The following GLRA1 variants were observed in gnomAD, a reference collection of about 807,000 sequenced individuals.
GLRA1 encodes glycine receptor alpha 1, also known as glycine receptor subunit alpha-1.
A neutral mutation model predicts 48.3 loss-of-function variants in GLRA1; 37 were observed. The ratio of observed to expected loss-of-function variants is 0.77; its 90% CI spans 0.59 to 1.01. The LOEUF (loss-of-function observed/expected upper bound fraction) is 1.01. GLRA1 is among the 50% of genes least tolerant of loss of function. The pLI is 0.00. For synonymous variants in GLRA1, 196 were observed against 210.7 expected (o/e 0.93, Z 0.60); for missense variants, 427 against 571.0 (o/e 0.75, Z 2.57).
intron 1 of GLRA1, among the ~76,000 whole-genome samples, chr5:151,919,958 C>T (rs143707085): frequency 0.011 from 1,739 of 152,308 alleles, 15 homozygotes; most frequent in South Asian, 0.024. Flanking sequence ...GCAGGACGCG[C>T]GAACAGGCTG....
At chr5:151,827,782 C>T (rs983284067) in intron 8 of GLRA1, among the ~76,000 whole-genome samples, 1 of 152,174 alleles carries the variant, frequency 6.6e-6, no homozygotes, top group Non-Finnish European at 1.5e-5. Context: ...AACACTATGA[C>T]AGGTCATAAT....
At chr5:151,846,713 G>T (rs1031162777) in intron 7 of GLRA1, among the ~76,000 whole-genome samples, 4 of 152,174 alleles carry the variant, frequency 2.6e-5, no homozygotes, top group Non-Finnish European at 2.9e-5. Flanking sequence ...AGACAAAATA[G>T]AGCAACTGTG....
At chr5:151,851,632 T>C in intron 6 of GLRA1, 28 bp from the exon 7 acceptor site, 1 of 1,476,086 alleles carries the variant, frequency 6.8e-7, no homozygotes, top group Non-Finnish European at 9.5e-7. Flanking sequence ...GAGAAGGCAG[T>C]GTAGCCTGGT....
At chr5:151,857,313 G>A (rs964311697) in intron 4 of GLRA1, among the ~76,000 whole-genome samples, 3 of 152,210 alleles carry the variant, frequency 2.0e-5, no homozygotes, top group Non-Finnish European at 4.4e-5. Flanking sequence ...GGTTTAGAGA[G>A]GTAAAAATAG....
intron 7 of GLRA1, among the ~76,000 whole-genome samples, chr5:151,849,290 C>T: frequency 8.3e-6 from 1 of 119,774 alleles, no homozygotes; most frequent in Non-Finnish European, 1.7e-5. Flanking sequence ...TTCTTTCTCT[C>T]TCTTCTTTCT....
intron 7 of GLRA1, among the ~76,000 whole-genome samples, chr5:151,832,097 G>A (rs528834340): frequency 6.6e-6 from 1 of 152,328 alleles, no homozygotes; most frequent in African/African-American, 2.4e-5. Flanking sequence ...GAAAGGAATA[G>A]CGTCAAAATC....
chr5:151,855,122 C>A lies in GLRA1; in HGVS notation c.615G>T (p.Gln205His), dbSNP rs757241278. Residue 205 changes from glutamine to histidine, a missense_variant, in exon 6 of 9, where the codon CAG (glutamine) becomes CAT (histidine). By Grantham distance (24) the Gln-to-His change is conservative. Coordinates refer to ENST00000274576, the MANE Select transcript of GLRA1 (RefSeq NM_000171.4). ...GGGGCAGAGTTAGTCCATCTGCTACCTGCACGGCTCCCTGTTCCTGCCACT... is the reference window on the plus strand; with the variant it reads ...GGGGCAGAGTTAGTCCATCTGCTACATGCACGGCTCCCTGTTCCTGCCACT... ...IFEWQEQGAV[Q>H]VADGLTLPQF... 5.0e-6 allele frequency: 8 copies of A among 1,613,670 alleles called. No homozygotes were observed. Among genetic ancestry groups the A allele is most frequent in the Non-Finnish European group, 5.9e-6 (7 of 1,179,696 alleles).
chr5:151,878,758 G>A (rs951524747), intron 3 of GLRA1, among the ~76,000 whole-genome samples: 9 of 152,178 alleles, frequency 5.9e-5, no homozygotes, highest in South Asian at 2.1e-4. Context: ...GCCTGCGGGT[G>A]CACAGAAGTC....
intron 1 of GLRA1, among the ~76,000 whole-genome samples, chr5:151,902,866 A>G (rs1320995489): frequency 6.6e-6 from 1 of 152,212 alleles, no homozygotes; most frequent in African/African-American, 2.4e-5. Flanking sequence ...CATAGAGATT[A>G]AATAATTTAT....
intron 1 of GLRA1, among the ~76,000 whole-genome samples, chr5:151,894,544 C>T (rs547192145): frequency 2.0e-5 from 3 of 152,250 alleles, no homozygotes; most frequent in African/African-American, 7.2e-5. Flanking sequence ...TCTTGCTCCT[C>T]CACCCCACTA....
In GLRA1 at chr5:151,828,952, A is replaced by G. The variant is rs148221542; in HGVS notation, c.1028T>C (p.Leu343Pro). Residue 343 changes from leucine to proline, a missense_variant, in exon 8 of 9, where the codon CTC (leucine) becomes CCC (proline). Coordinates refer to ENST00000274576, the MANE Select transcript of GLRA1 (RefSeq NM_000171.4). ...ATGTCTCCGCTTCCTCCTGAATCGG[A>G]GCAGCTCCTTATGTTGCCGAGACAC... is the stretch of plus-strand genomic sequence containing the variant. ...NFVSRQHKELLRFRRKRRHHK... is the reference protein window; with the variant it reads ...NFVSRQHKELPRFRRKRRHHK... 4.3e-6 allele frequency: 7 copies of G among 1,614,114 alleles called. No individual in the cohort carries two copies. The highest frequency in any genetic ancestry group is 5.9e-6 in the Non-Finnish European group (7 of 1,179,970).
intron 1 of GLRA1, among the ~76,000 whole-genome samples, chr5:151,919,347 T>C (rs1040497101): frequency 6.6e-6 from 1 of 152,192 alleles, no homozygotes; most frequent in South Asian, 2.1e-4. Context: ...ACAGAAATGT[T>C]TGGTCTCTCT....
At chr5:151,862,553 A>G (rs1198167830) in intron 3 of GLRA1, among the ~76,000 whole-genome samples, 1 of 152,238 alleles carries the variant, frequency 6.6e-6, no homozygotes, top group Non-Finnish European at 1.5e-5. Flanking sequence ...TCTAAACTCA[A>G]TGCTTAGTTA....
chr5:151,907,071 G>A (rs1349509780), intron 1 of GLRA1, among the ~76,000 whole-genome samples: 1 of 152,196 alleles, frequency 6.6e-6, no homozygotes, highest in Non-Finnish European at 1.5e-5. Context: ...TGACAGCTGA[G>A]GAGTGGGCTG....
intron 3 of GLRA1, among the ~76,000 whole-genome samples, chr5:151,862,369 G>A (rs545689456): frequency 1.3e-5 from 2 of 152,294 alleles, no homozygotes; most frequent in Non-Finnish European, 2.9e-5. Context: ...CCATAGGCAT[G>A]GTCAAGGACT....
chr5:151,833,911 A>C (rs1454565338), intron 7 of GLRA1, among the ~76,000 whole-genome samples: 1 of 152,150 alleles, frequency 6.6e-6, no homozygotes, highest in Non-Finnish European at 1.5e-5. Flanking sequence ...TAAAGGGATC[A>C]ATGCAACAAG....
rs560957888 is a variant in GLRA1 at position 151,892,694 on chromosome 5, T to C, written c.57-256A>G. ...AGTCACGGACATTTTTAAGGCTTCA[T>C]CTCTGGGATTTTGAGTAATCACACT... On this transcript the variant is annotated intron_variant, in intron 1 of 8. Transcript: ENST00000274576. Among the ~76,000 whole-genome samples, 3 of 152,326 alleles carry C rather than the reference T, an allele frequency of 2.0e-5. No individual in the cohort carries two copies. The South Asian group carries it at 6.2e-4, about 32-fold the overall frequency.
In GLRA1 at chr5:151,851,389, C is replaced by G. The variant is rs1233919824; in HGVS notation, c.912+1G>C. 1 of 1,608,840 alleles carries G rather than the reference C, an allele frequency of 6.2e-7. No individual in the cohort carries two copies. Among genetic ancestry groups the G allele is most frequent in the Non-Finnish European group, 8.5e-7 (1 of 1,176,250 alleles). On this transcript the variant is annotated splice_donor_variant, in intron 7 of 8. Transcript: ENST00000274576. LOFTEE classifies it high-confidence loss of function. ...CTGTGCTCTTGGGCAATGGGACTTA[C>G]CTTGGGCAGAGATGCTCGAGAGCCG...
chr5:151,885,317 TA>T (rs1753872014), intron 3 of GLRA1, among the ~76,000 whole-genome samples: 1 of 152,226 alleles, frequency 6.6e-6, no homozygotes, highest in South Asian at 2.1e-4. Flanking sequence ...TGAAACAAGA[TA>T]CCAGCCCCCA....
Sources: allele counts gnomAD v4.1 joint callset (sites outside exome capture counted in the v4.1 genomes callset), GRCh38; gene constraint gnomAD v4.1.1; transcripts MANE v1.5; gene names NCBI Gene and HGNC (gene_info 2026-07-23, HGNC 2026-07-21).